Variants in LIN9 observed in about 807,000 individuals in gnomAD.
LIN9 encodes protein lin-9 homolog.
In LIN9, 18 loss-of-function variants were observed where a neutral mutation model predicts 78.0. That is an observed-to-expected ratio of 0.23 (90% CI 0.16 to 0.34). LIN9 has a LOEUF of 0.34. Among genes scored for constraint, LIN9 ranks in the 10% least tolerant of loss-of-function variants. The probability of loss-of-function intolerance (pLI) is 1.00; values close to 1 mark genes in which losing one functional copy is unlikely to be tolerated. For synonymous variants in LIN9, 192 were observed against 215.2 expected (o/e 0.89, Z 0.94); for missense variants, 451 against 644.1 (o/e 0.70, Z 3.25).
upstream of LIN9, chr1:226,309,394 G>T (rs968591868): frequency 2.9e-4 from 283 of 991,582 alleles, no homozygotes; most frequent in Non-Finnish European, 3.3e-4. Context: ...AAGGGAGGAA[G>T]GAGGCCGCAC....
At chr1:226,242,053 T>C (rs1658149300) in intron 11 of LIN9, among the ~76,000 whole-genome samples, 1 of 152,222 alleles carries the variant, frequency 6.6e-6, no homozygotes, top group Admixed American at 6.5e-5. Context: ...ATGGAAAATA[T>C]TTCCCTTATC....
chr1:226,278,060 T>G, intron 6 of LIN9, 128 bp from the exon 7 acceptor site: 1 of 673,778 alleles, frequency 1.5e-6, no homozygotes, highest in African/African-American at 1.8e-5. Flanking sequence ...TGGCACAATC[T>G]TGGCTCACTG....
At position 226,277,680 on chromosome 1, in the gene LIN9, T is replaced by C. The variant is rs1660755184; in HGVS notation, c.682+95A>G. 16 of 1,114,754 alleles carry C rather than the reference T, an allele frequency of 1.4e-5. No individual in the cohort carries two copies. The South Asian group carries it at 2.3e-4, about 16-fold the overall frequency. 69.1% of individuals were successfully genotyped at this position (1,114,754 alleles called of 1,614,324 possible). On this transcript the variant is annotated intron_variant, in intron 7 of 14. Transcript: ENST00000681046. ...GTCTATTGTAAATATTTCTTGGTAA[T>C]TAAAAATGAAATAAAATAAGAACCA...
intron 5 of LIN9, 57 bp from the exon 6 acceptor site, chr1:226,286,515 C>G: frequency 7.8e-7 from 1 of 1,281,594 alleles, no homozygotes. Context: ...TTTCTTAAAA[C>G]ACATAAAATC....
chr1:226,299,143 AGT>A (rs1347751499), intron 2 of LIN9, among the ~76,000 whole-genome samples: 1 of 152,166 alleles, frequency 6.6e-6, no homozygotes, highest in Non-Finnish European at 1.5e-5. Flanking sequence ...ATTTTCTTCT[AGT>A]GGCTCATCAG....
In LIN9 at chr1:226,239,338, A is replaced by G. The variant is rs117426547; in HGVS notation, c.1120-242T>C. Among the ~76,000 whole-genome samples the G allele has an allele frequency of 5.6e-4, 85 of 152,338 alleles. 2 individuals carry two copies. The East Asian group carries it at 0.011, about 20-fold the overall frequency. On this transcript the variant is annotated intron_variant, in intron 11 of 14. Coordinates refer to ENST00000681046, the MANE Select transcript of LIN9 (RefSeq NM_001366245.2). The stretch of plus-strand genomic sequence containing the variant: ...TGAAAAGGAGATCTTCTATAGAGAT[A>G]AATTAAATGGAGCAAAATGTTAATT...
intron 10 of LIN9, among the ~76,000 whole-genome samples, chr1:226,257,608 T>G (rs888169708): frequency 6.6e-6 from 1 of 152,046 alleles, no homozygotes; most frequent in Non-Finnish European, 1.5e-5. Flanking sequence ...ATGGATTAGT[T>G]GTAAAAGTAT....
chr1:226,250,816 G>GAA, intron 11 of LIN9, 23 bp downstream of exon 11: 10 of 1,210,056 alleles, frequency 8.3e-6, no homozygotes, highest in East Asian at 2.4e-5. Context: ...AGCAAATGAA[G>GAA]AAAAAAAAAG....
intron 1 of LIN9, among the ~76,000 whole-genome samples, chr1:226,306,424 A>G (rs1662920683): frequency 6.6e-6 from 1 of 152,162 alleles, no homozygotes; most frequent in Non-Finnish European, 1.5e-5. Context: ...TCGAATCACT[A>G]GAAGTATCTG....
intron 1 of LIN9, among the ~76,000 whole-genome samples, chr1:226,305,250 G>A (rs550925344): frequency 2.7e-5 from 4 of 146,930 alleles, no homozygotes; most frequent in East Asian, 2.0e-4. Context: ...CAGGAGCATC[G>A]CTTGAGGCCA....
chr1:226,297,658 A>G (rs1419428266), intron 3 of LIN9, 61 bp downstream of exon 3: 13 of 1,148,006 alleles, frequency 1.1e-5, no homozygotes, highest in Middle Eastern at 2.1e-4. Context: ...TTTACACATG[A>G]CAATAATACA....
At chr1:226,252,656 T>C (rs951409096) in intron 10 of LIN9, among the ~76,000 whole-genome samples, 1 of 152,116 alleles carries the variant, frequency 6.6e-6, no homozygotes, top group Non-Finnish European at 1.5e-5. Context: ...GTAATGATGG[T>C]ATTGTAGTTA....
intron 3 of LIN9, 86 bp from the exon 4 acceptor site, chr1:226,296,032 G>C (rs1662128759): frequency 4.8e-6 from 4 of 824,916 alleles, no homozygotes; most frequent in Middle Eastern, 3.1e-4. Flanking sequence ...GGAAAACTGA[G>C]CTAACTCTGG....
intron 7 of LIN9, among the ~76,000 whole-genome samples, chr1:226,270,873 T>C (rs1558181566): frequency 6.6e-6 from 1 of 151,658 alleles, no homozygotes; most frequent in Non-Finnish European, 1.5e-5. Flanking sequence ...TATGTACTTT[T>C]TTCCTATTCT....
chr1:226,261,506 G>T (rs1659588995), intron 10 of LIN9, among the ~76,000 whole-genome samples: 1 of 152,014 alleles, frequency 6.6e-6, no homozygotes, highest in Non-Finnish European at 1.5e-5. Context: ...ATTATGATGT[G>T]AAATTAAAAA....
At chr1:226,271,533 C>T (rs1660277154) in intron 7 of LIN9, among the ~76,000 whole-genome samples, 1 of 152,030 alleles carries the variant, frequency 6.6e-6, no homozygotes. Context: ...AAGCCATTTG[C>T]CTATGTAAAT....
intron 6 of LIN9, among the ~76,000 whole-genome samples, chr1:226,278,226 A>T (rs183568629): frequency 1.4e-3 from 207 of 152,010 alleles, no homozygotes; most frequent in African/African-American, 4.7e-3. Flanking sequence ...GTCAGGAGTT[A>T]GAGACCAGCC....
At position 226,265,629 on chromosome 1, in the gene LIN9, A is replaced by G. The variant is rs112266260; in HGVS notation, c.942T>C (p.Asn314=). The change falls in exon 10 of 15, where the codon AAT becomes AAC. Residue 314 remains asparagine, a synonymous_variant. Coordinates refer to ENST00000681046, the MANE Select transcript of LIN9 (RefSeq NM_001366245.2). This position sits in a 1 kb window ranked among gnomAD's most constrained non-coding sequence, Gnocchi z 4.1. ...ACGGCGACTGTCCTAATAAAGGATCATTATCCTATGGGAATAAAAAGGAAT... is the reference window on the plus strand; with the variant it reads ...ACGGCGACTGTCCTAATAAAGGATCGTTATCCTATGGGAATAAAAAGGAAT... ...TPPLQSPIID[N]DPLLGQSPWR... 1 of 1,550,756 alleles carries G rather than the reference A, an allele frequency of 6.4e-7. No homozygotes were observed.
chr1:226,281,066 C>T (rs1661019259), intron 6 of LIN9, among the ~76,000 whole-genome samples: 1 of 152,174 alleles, frequency 6.6e-6, no homozygotes, highest in South Asian at 2.1e-4. Flanking sequence ...TATATATGCA[C>T]AATGGAATCT....
Sources: allele counts gnomAD v4.1 joint callset (sites outside exome capture counted in the v4.1 genomes callset), GRCh38; gene constraint gnomAD v4.1.1; non-coding constraint Gnocchi (gnomAD v3.1); transcripts MANE v1.5; gene names NCBI Gene and HGNC (gene_info 2026-07-23, HGNC 2026-07-21).